Variants in EIF3H observed in about 807,000 individuals in gnomAD.
EIF3H encodes eIF-3-gamma.
Under a neutral mutation model 44.2 loss-of-function variants are expected in EIF3H, and 26 were observed. The observed-to-expected ratio is 0.59, with a 90% CI of 0.43 to 0.82. The LOEUF (loss-of-function observed/expected upper bound fraction) is 0.82, where lower values mean the gene tolerates loss of function less well. Ranked by LOEUF, EIF3H falls within the 40% of genes least tolerant of loss-of-function variation. The pLI, the probability that EIF3H is intolerant of heterozygous loss-of-function variation, is 0.00. For missense variants in EIF3H, 359 were observed against 432.8 expected (o/e 0.83, Z 1.51); for synonymous variants, 166 against 151.9 (o/e 1.09, Z -0.68).
At chr8:116,744,923 T>C (rs1346842905) in intron 1 of EIF3H, among the ~76,000 whole-genome samples, 1 of 152,212 alleles carries the variant, frequency 6.6e-6, no homozygotes, top group African/African-American at 2.4e-5. Flanking sequence ...GAGGCTTTTT[T>C]CTCCAAGGTA....
chr8:116,747,070 T>C (rs1029491899), intron 1 of EIF3H, among the ~76,000 whole-genome samples: 1 of 147,634 alleles, frequency 6.8e-6, no homozygotes, highest in Non-Finnish European at 1.5e-5. Context: ...TTTTGTTTTT[T>C]TGTTTTTTTT....
chr8:116,662,455 T>C (rs1254173085), intron 2 of EIF3H, among the ~76,000 whole-genome samples: 1 of 152,162 alleles, frequency 6.6e-6, no homozygotes, highest in Admixed American at 6.5e-5. Flanking sequence ...AAGAGCTCAC[T>C]TTGATGTAAT....
chr8:116,721,851 C>T (rs1814752255), intron 2 of EIF3H, among the ~76,000 whole-genome samples: 1 of 152,370 alleles, frequency 6.6e-6, no homozygotes, highest in South Asian at 2.1e-4. Flanking sequence ...GTACCCCCAT[C>T]ATATCTAGGA....
chr8:116,657,272 T>C lies in EIF3H; in HGVS notation c.500A>G (p.Tyr167Cys), dbSNP rs1353512849. 3 of 1,613,820 alleles carry C rather than the reference T, an allele frequency of 1.9e-6. No individual in the cohort carries two copies. Among genetic ancestry groups the C allele is most frequent in the South Asian group, 1.1e-5 (1 of 91,076 alleles). Reference protein sequence around the residue: ...TAQGSLSLKAYRLTPKLMEVC... With the variant: ...TAQGSLSLKACRLTPKLMEVC... ...TTCCATCAGTTTAGGAGTCAGTCTGTATGCCTTTAGTGAGAGAGATCCTTG... is the reference window on the plus strand; with the variant it reads ...TTCCATCAGTTTAGGAGTCAGTCTGCATGCCTTTAGTGAGAGAGATCCTTG... Residue 167 changes from tyrosine to cysteine, a missense_variant, in exon 4 of 8, where the codon TAC (tyrosine) becomes TGC (cysteine). Physicochemically the swap from Tyr to Cys is radical, Grantham distance 194. This residue lies in a region of EIF3H where 85 missense variants were observed against 79.2 expected (regional missense o/e 1.07). Coordinates refer to ENST00000521861, the MANE Select transcript of EIF3H (RefSeq NM_003756.3).
intron 1 of EIF3H, among the ~76,000 whole-genome samples, chr8:116,761,487 G>A (rs1454127133): frequency 2.0e-5 from 3 of 152,266 alleles, no homozygotes; most frequent in Non-Finnish European, 4.4e-5. Flanking sequence ...ACTCCAGCCT[G>A]GGCAACAGAG....
chr8:116,683,249 T>A (rs1225803512), intron 2 of EIF3H, among the ~76,000 whole-genome samples: 1 of 152,186 alleles, frequency 6.6e-6, no homozygotes, highest in Non-Finnish European at 1.5e-5. Context: ...CAAAACAACA[T>A]AGACAAGGTG....
intron 1 of EIF3H, among the ~76,000 whole-genome samples, chr8:116,742,474 A>C (rs1048382858): frequency 3.3e-5 from 5 of 152,250 alleles, no homozygotes; most frequent in Non-Finnish European, 7.3e-5. Flanking sequence ...AAATTTTCCC[A>C]CATGTACCTG....
At chr8:116,708,162 G>C (rs1311094722) in intron 2 of EIF3H, among the ~76,000 whole-genome samples, 7 of 151,970 alleles carry the variant, frequency 4.6e-5, no homozygotes, top group Non-Finnish European at 1.0e-4. Context: ...GTGTCTTTAA[G>C]TTACACCGGA....
chr8:116,718,458 G>A (rs1341846569), intron 2 of EIF3H, among the ~76,000 whole-genome samples: 1 of 151,954 alleles, frequency 6.6e-6, no homozygotes, highest in Non-Finnish European at 1.5e-5. Flanking sequence ...CAAAAATATG[G>A]AACCAGCCCA....
chr8:116,676,404 C>T (rs915517664), intron 2 of EIF3H, among the ~76,000 whole-genome samples: 1 of 152,094 alleles, frequency 6.6e-6, no homozygotes, highest in Non-Finnish European at 1.5e-5. Flanking sequence ...AAGGCAAAGG[C>T]GAAGCAAGAC....
chr8:116,717,083 T>C (rs1814670823), intron 2 of EIF3H, among the ~76,000 whole-genome samples: 1 of 152,102 alleles, frequency 6.6e-6, no homozygotes, highest in Non-Finnish European at 1.5e-5. Context: ...ACAGGACTAT[T>C]CTAATATATA....
intron 2 of EIF3H, among the ~76,000 whole-genome samples, chr8:116,684,504 A>T (rs1036335471): frequency 6.6e-6 from 1 of 152,120 alleles, no homozygotes; most frequent in African/African-American, 2.4e-5. Context: ...TATTCCTATT[A>T]TTCCAAAGAA....
At position 116,643,272 on chromosome 8, in the gene EIF3H, G is replaced by A. The variant is rs1378551461; in HGVS notation, c.*1734C>T. ...TAAGGTTATCACTATGGGTAGGAGG[G>A]CAAAACAGCAGAAACTTTTGAAGGC... On this transcript the variant is annotated 3_prime_UTR_variant, in exon 8 of 8. Coordinates refer to ENST00000521861, the MANE Select transcript of EIF3H (RefSeq NM_003756.3). 6.6e-6 allele frequency: 1 copy of A among 152,214 alleles called. No individual in the cohort carries two copies. The highest frequency in any genetic ancestry group is 1.5e-5 in the Non-Finnish European group (1 of 68,036). The allele number at this position is 152,214 out of a possible 1,614,324, so 9.4% of individuals were successfully genotyped here.
intron 5 of EIF3H, among the ~76,000 whole-genome samples, chr8:116,653,009 GAGAA>G (rs1370152214): frequency 1.3e-5 from 2 of 152,156 alleles, no homozygotes; most frequent in Non-Finnish European, 2.9e-5. Flanking sequence ...AAGGAAATCA[GAGAA>G]AGAAAAGATC....
At chr8:116,704,346 C>T (rs1176442414) in intron 2 of EIF3H, among the ~76,000 whole-genome samples, 2 of 152,194 alleles carry the variant, frequency 1.3e-5, no homozygotes, top group Non-Finnish European at 2.9e-5. Context: ...GACACGTGCT[C>T]AACGAATGTT....
chr8:116,724,518 A>C (rs1814800907), intron 2 of EIF3H, among the ~76,000 whole-genome samples: 1 of 152,198 alleles, frequency 6.6e-6, no homozygotes, highest in Non-Finnish European at 1.5e-5. Flanking sequence ...AAGGCAACTT[A>C]CAAAATGGGA....
At position 116,644,887 on chromosome 8, in the gene EIF3H, G is replaced by A. The variant is rs1024595586; in HGVS notation, c.*119C>T. 3.9e-5 allele frequency: 28 copies of A among 718,686 alleles called. No individual in the cohort carries two copies. Among genetic ancestry groups the A allele is most frequent in the Middle Eastern group, 3.1e-4 (1 of 3,258 alleles). The allele number at this position is 718,686 out of a possible 1,614,324, so 44.5% of individuals were successfully genotyped here. ...GAAAGACACTGTTATAGCCAAAATCGGCAATGACACTAAAGAAATCCTCTG... is the reference window on the plus strand; with the variant it reads ...GAAAGACACTGTTATAGCCAAAATCAGCAATGACACTAAAGAAATCCTCTG... On this transcript the variant is annotated 3_prime_UTR_variant, in exon 8 of 8. Transcript: ENST00000521861.
chr8:116,747,985 C>T (rs1318854148), intron 1 of EIF3H, among the ~76,000 whole-genome samples: 1 of 152,000 alleles, frequency 6.6e-6, no homozygotes, highest in African/African-American at 2.4e-5. Flanking sequence ...GTGGCGCATG[C>T]CTGTAATCCC....
At chr8:116,752,595 C>A (rs948016762) in intron 1 of EIF3H, among the ~76,000 whole-genome samples, 1 of 150,008 alleles carries the variant, frequency 6.7e-6, no homozygotes, top group Non-Finnish European at 1.5e-5. Flanking sequence ...CCAAGTCTGT[C>A]GTCAAGATTC....
Sources: gnomAD v4.1 joint callset for allele counts (sites outside exome capture counted in the v4.1 genomes callset) on GRCh38, gnomAD v4.1.1 for gene constraint, gnomAD v4.1.1 regional missense constraint, MANE v1.5 for transcripts, NCBI Gene and HGNC (gene_info 2026-07-23, HGNC 2026-07-21) for gene names.